The following NALF1 variants were observed in gnomAD, a reference collection of about 807,000 sequenced individuals.
The protein encoded by NALF1 is family with sequence similarity 155 member A.
Under a neutral mutation model 48.4 loss-of-function variants are expected in NALF1, and 3 were observed. That is an observed-to-expected ratio of 0.06 (90% CI 0.03 to 0.16). The LOEUF is 0.16. NALF1 is among the 10% of genes least tolerant of loss of function. The pLI is 1.00. For missense variants in NALF1, 526 were observed against 571.5 expected, an observed-to-expected ratio of 0.92 and a Z score of 0.81; for synonymous variants, 262 against 245.7, an observed-to-expected ratio of 1.07 and a Z score of -0.62.
At chr13:107,395,594 C>CAACCA (rs1883699121) in intron 1 of NALF1, among the ~76,000 whole-genome samples, 1 of 152,130 alleles carries the variant, frequency 6.6e-6, no homozygotes, top group African/African-American at 2.4e-5. Context: ...GGTTGGACAG[C>CAACCA]AAGTTTGCAG....
At chr13:107,600,609 T>TA (rs1292305597) in intron 1 of NALF1, among the ~76,000 whole-genome samples, 10 of 152,224 alleles carry the variant, frequency 6.6e-5, no homozygotes, top group Admixed American at 3.3e-4. Flanking sequence ...ATCAGTTACT[T>TA]ACAGTGGTCG....
At chr13:107,660,729 T>C (rs1880715601) in intron 1 of NALF1, among the ~76,000 whole-genome samples, 1 of 152,004 alleles carries the variant, frequency 6.6e-6, no homozygotes, top group Admixed American at 6.6e-5. Flanking sequence ...TCTAAACCCA[T>C]GGAATGTACA....
At chr13:107,503,924 A>AT (rs35141844) in intron 1 of NALF1, among the ~76,000 whole-genome samples, 37,985 of 146,904 alleles carry the variant, frequency 0.26, 5,551 homozygotes, top group Non-Finnish European at 0.33. Flanking sequence ...CTTACATGTG[A>AT]TTTTTTTTTT....
chr13:107,649,386 C>T (rs1002407187), intron 1 of NALF1, among the ~76,000 whole-genome samples: 8 of 152,096 alleles, frequency 5.3e-5, no homozygotes, highest in Non-Finnish European at 1.0e-4. Flanking sequence ...GTTTTCAATG[C>T]TATGTGATAA....
At chr13:107,731,221 G>C (rs1430556392) in intron 1 of NALF1, among the ~76,000 whole-genome samples, 1 of 152,102 alleles carries the variant, frequency 6.6e-6, no homozygotes, top group Non-Finnish European at 1.5e-5. Flanking sequence ...TCTTCACAAA[G>C]AGATGATTAA....
intron 1 of NALF1, among the ~76,000 whole-genome samples, chr13:107,487,051 G>A (rs1393764813): frequency 3.3e-5 from 5 of 151,958 alleles, no homozygotes; most frequent in South Asian, 2.1e-4. Context: ...GAATTCCTCC[G>A]TGCAGCTTCT....
At chr13:107,244,506 G>A (rs951856607) in intron 1 of NALF1, among the ~76,000 whole-genome samples, 2 of 152,206 alleles carry the variant, frequency 1.3e-5, no homozygotes, top group African/African-American at 4.8e-5. Context: ...TTCTGCAAGG[G>A]TAGATGTGTC....
chr13:107,187,670 T>C (rs10508184), intron 2 of NALF1, among the ~76,000 whole-genome samples: 46,539 of 152,060 alleles, frequency 0.31, 8,615 homozygotes, highest in Middle Eastern at 0.44. Context: ...TGCCTGCTTA[T>C]CATTTTAATC....
intron 1 of NALF1, among the ~76,000 whole-genome samples, chr13:107,638,808 C>T (rs555570137): frequency 1.3e-5 from 2 of 152,134 alleles, no homozygotes; most frequent in Admixed American, 6.5e-5. Context: ...GGGATGGGAT[C>T]GAGATCCATT....
chr13:107,786,035 A>C (rs936154832), intron 1 of NALF1, among the ~76,000 whole-genome samples: 13 of 152,180 alleles, frequency 8.5e-5, no homozygotes, highest in African/African-American at 7.2e-5. Context: ...AAAGAAAGTC[A>C]CAGAGTCCCA....
At chr13:107,797,601 G>A (rs1032453659) in intron 1 of NALF1, among the ~76,000 whole-genome samples, 8 of 152,194 alleles carry the variant, frequency 5.3e-5, no homozygotes, top group African/African-American at 1.9e-4. Flanking sequence ...ATGAGTCAGT[G>A]TTCTGGGCAC....
At chr13:107,698,550 T>C (rs989730837) in intron 1 of NALF1, among the ~76,000 whole-genome samples, 1 of 152,152 alleles carries the variant, frequency 6.6e-6, no homozygotes, top group Non-Finnish European at 1.5e-5. Flanking sequence ...TAGATTTACA[T>C]GTATATAGAA....
At chr13:107,750,360 G>A (rs1255543654) in intron 1 of NALF1, among the ~76,000 whole-genome samples, 2 of 152,124 alleles carry the variant, frequency 1.3e-5, no homozygotes, top group Non-Finnish European at 2.9e-5. Flanking sequence ...TGATTTCTCA[G>A]AAAATACAGG....
intron 1 of NALF1, among the ~76,000 whole-genome samples, chr13:107,373,616 C>T (rs1395512891): frequency 1.3e-5 from 2 of 152,188 alleles, no homozygotes; most frequent in African/African-American, 4.8e-5. Context: ...ATTTCCAGGG[C>T]TACTCCATCT....
chr13:107,831,259 T>C (rs906841794), intron 1 of NALF1, among the ~76,000 whole-genome samples: 2 of 152,228 alleles, frequency 1.3e-5, no homozygotes, highest in African/African-American at 4.8e-5. Context: ...TGGATTACAT[T>C]GACTATTGCT....
intron 1 of NALF1, among the ~76,000 whole-genome samples, chr13:107,568,186 G>T (rs557169452): frequency 1.3e-5 from 2 of 152,228 alleles, no homozygotes; most frequent in African/African-American, 4.8e-5. Context: ...TCACCATGGT[G>T]CCCAGGCTGG....
intron 1 of NALF1, among the ~76,000 whole-genome samples, chr13:107,718,614 T>A (rs74112584): frequency 1.3e-5 from 2 of 152,186 alleles, no homozygotes; most frequent in Non-Finnish European, 2.9e-5. Flanking sequence ...CAAAGAGTTG[T>A]GTGAAACTGG....
intron 1 of NALF1, among the ~76,000 whole-genome samples, chr13:107,367,797 C>G (rs1883177884): frequency 6.6e-6 from 1 of 152,176 alleles, no homozygotes; most frequent in African/African-American, 2.4e-5. Flanking sequence ...AACATTCAGA[C>G]AGACTAAAAA....
intron 1 of NALF1, among the ~76,000 whole-genome samples, chr13:107,224,751 T>C (rs1023217092): frequency 6.6e-6 from 1 of 152,080 alleles, no homozygotes; most frequent in African/African-American, 2.4e-5. Context: ...GTACTGATTG[T>C]GATACAAATT....
Sources: allele counts gnomAD v4.1 joint callset (sites outside exome capture counted in the v4.1 genomes callset), GRCh38; gene constraint gnomAD v4.1.1; transcripts MANE v1.5; gene names NCBI Gene and HGNC (gene_info 2026-07-23, HGNC 2026-07-21).